The following USP34 variants were observed in gnomAD, a reference collection of about 807,000 sequenced individuals.
USP34 encodes ubiquitin carboxyl-terminal hydrolase 34.
Under a neutral mutation model 460.3 loss-of-function variants are expected in USP34, and 70 were observed. The observed-to-expected ratio is 0.15, with a 90% confidence interval of 0.13 to 0.19. The LOEUF (loss-of-function observed/expected upper bound fraction) is 0.19. USP34 is among the 10% of genes least tolerant of loss of function. The pLI is 1.00. For missense variants in USP34, 3,985 were observed against 4,236.2 expected (o/e 0.94, Z 1.65); for synonymous variants, 1,647 against 1,405.3 (o/e 1.17, Z -3.85).
intron 41 of USP34, among the ~76,000 whole-genome samples, chr2:61,276,405 T>A (rs1040115251): frequency 3.9e-5 from 6 of 152,212 alleles, no homozygotes; most frequent in Non-Finnish European, 5.9e-5. Flanking sequence ...TTTTCTTTTT[T>A]AATGTACTCA....
rs1193188441 is a variant in USP34 at position 61,470,694 on chromosome 2, G to T, written c.-2C>A. The T allele has an allele frequency of 6.3e-7, 1 of 1,591,004 alleles. No individual in the cohort carries two copies. On this transcript the variant is annotated 5_prime_UTR_variant, in exon 1 of 80. Coordinates refer to ENST00000398571, the MANE Select transcript of USP34 (RefSeq NM_014709.4). ...CAGGTCTGCGCAGTTCTCGCACATCGTTCGGCCGCCGCCCCCCCCCTCCCC... is the reference window on the plus strand; with the variant it reads ...CAGGTCTGCGCAGTTCTCGCACATCTTTCGGCCGCCGCCCCCCCCCTCCCC...
chr2:61,464,717 CAAAAAA>C (rs35331685), intron 1 of USP34, among the ~76,000 whole-genome samples: 2 of 77,996 alleles, frequency 2.6e-5, no homozygotes, highest in African/African-American at 1.0e-4. Context: ...GACTCCGTCT[CAAAAAA>C]AAAAAAAAAA....
chr2:61,385,240 A>C (rs1358483928), intron 5 of USP34, among the ~76,000 whole-genome samples: 2 of 152,194 alleles, frequency 1.3e-5, no homozygotes, highest in East Asian at 3.8e-4. Flanking sequence ...CATGTAAATA[A>C]GGAGACATTT....
intron 7 of USP34, 57 bp downstream of exon 7, chr2:61,380,112 T>TA: frequency 1.3e-6 from 2 of 1,513,042 alleles, no homozygotes; most frequent in South Asian, 2.5e-5. Flanking sequence ...TGGGTAGTAT[T>TA]ATGATAGACC....
intron 10 of USP34, 95 bp from the exon 11 acceptor site, chr2:61,350,788 C>A: frequency 7.6e-7 from 1 of 1,310,552 alleles, no homozygotes; most frequent in Non-Finnish European, 1.0e-6. Context: ...AAAAGTTGGC[C>A]AGTACACTAA....
intron 5 of USP34, among the ~76,000 whole-genome samples, chr2:61,394,142 T>C (rs1460443942): frequency 6.6e-6 from 1 of 152,100 alleles, no homozygotes; most frequent in East Asian, 1.9e-4. Flanking sequence ...TAAAAGTATC[T>C]TTCTTTCCAT....
intron 61 of USP34, among the ~76,000 whole-genome samples, chr2:61,228,372 G>A (rs1255378726): frequency 6.6e-6 from 1 of 152,144 alleles, no homozygotes; most frequent in African/African-American, 2.4e-5. Flanking sequence ...ATTCACTATT[G>A]ATAAGACCCT....
At chr2:61,266,306 G>A (rs1689042613) in intron 41 of USP34, 139 bp from the exon 42 acceptor site, 1 of 770,442 alleles carries the variant, frequency 1.3e-6, no homozygotes, top group South Asian at 2.6e-5. Context: ...TCATCTGAAA[G>A]TCCTCCGTGT....
At chr2:61,351,275 T>C (rs1018101747) in intron 10 of USP34, among the ~76,000 whole-genome samples, 1 of 152,236 alleles carries the variant, frequency 6.6e-6, no homozygotes, top group Non-Finnish European at 1.5e-5. Flanking sequence ...AGATTTGTTA[T>C]TAAATCTTTA....
intron 39 of USP34, among the ~76,000 whole-genome samples, chr2:61,279,706 C>T (rs777806915): frequency 6.6e-6 from 1 of 152,108 alleles, no homozygotes; most frequent in Non-Finnish European, 1.5e-5. Context: ...CCTTGTGATC[C>T]GCCCGCCTCG....
chr2:61,236,414 G>A (rs980002445), intron 53 of USP34, 25 bp from the exon 54 acceptor site: 4 of 1,531,950 alleles, frequency 2.6e-6, no homozygotes, highest in Non-Finnish European at 3.5e-6. Flanking sequence ...GTTAACATTA[G>A]TGATAAAGCA....
chr2:61,310,385 A>C (rs544892819), intron 27 of USP34, among the ~76,000 whole-genome samples: 41 of 152,250 alleles, frequency 2.7e-4, no homozygotes, highest in African/African-American at 9.4e-4. Flanking sequence ...AGTTATTACT[A>C]TATAGTGAAC....
chr2:61,385,928 T>C (rs959651975), intron 5 of USP34, among the ~76,000 whole-genome samples: 12 of 135,232 alleles, frequency 8.9e-5, no homozygotes, highest in African/African-American at 3.1e-4. Flanking sequence ...CCCCAGGAGG[T>C]GGAGGTTGCA....
intron 67 of USP34, 110 bp downstream of exon 67, chr2:61,220,200 G>T: frequency 8.5e-4 from 248 of 291,574 alleles, no homozygotes; most frequent in Non-Finnish European, 1.3e-3. Context: ...ACATCTCCAA[G>T]AATTTCGTAG....
intron 27 of USP34, among the ~76,000 whole-genome samples, chr2:61,309,635 T>C (rs1401103749): frequency 6.6e-6 from 1 of 152,224 alleles, no homozygotes; most frequent in Non-Finnish European, 1.5e-5. Context: ...CTCACCTCCA[T>C]GTCCTACTGC....
intron 41 of USP34, among the ~76,000 whole-genome samples, chr2:61,271,675 G>T (rs566348604): frequency 6.6e-6 from 1 of 152,118 alleles, no homozygotes; most frequent in Non-Finnish European, 1.5e-5. Flanking sequence ...GTAAAAGAAA[G>T]AAGAAAGAGG....
chr2:61,308,555 A>G (rs1690485215), intron 27 of USP34, among the ~76,000 whole-genome samples: 1 of 152,176 alleles, frequency 6.6e-6, no homozygotes, highest in Non-Finnish European at 1.5e-5. Flanking sequence ...ATACAATACA[A>G]GAAATCTATG....
intron 67 of USP34, among the ~76,000 whole-genome samples, chr2:61,217,708 A>G (rs1390738630): frequency 6.6e-6 from 1 of 152,214 alleles, no homozygotes; most frequent in Non-Finnish European, 1.5e-5. Context: ...ATAATCCAGC[A>G]CTTTGGGAGG....
chr2:61,391,812 C>A (rs1161341047), intron 5 of USP34, among the ~76,000 whole-genome samples: 1 of 152,028 alleles, frequency 6.6e-6, no homozygotes, highest in Non-Finnish European at 1.5e-5. Context: ...AAAATATTAA[C>A]CATATAAAAG....
Sources: gnomAD v4.1 joint callset for allele counts (sites outside exome capture counted in the v4.1 genomes callset) on GRCh38, gnomAD v4.1.1 for gene constraint, MANE v1.5 for transcripts, NCBI Gene and HGNC (gene_info 2026-07-23, HGNC 2026-07-21) for gene names.